The following SPMIP3 variants were observed in gnomAD, a reference collection of about 807,000 sequenced individuals.
The protein encoded by SPMIP3 is protein SPMIP3.
At chr1:244,356,281 A>G in the SPMIP3 span, among the ~76,000 whole-genome samples, 5 of 152,222 alleles carry the variant, frequency 3.3e-5, no homozygotes, top group African/African-American at 1.2e-4. Flanking sequence ...AATGTTCGCT[A>G]TCAGATTGAG....
chr1:244,367,410 G>A, the SPMIP3 span, among the ~76,000 whole-genome samples: 55 of 152,290 alleles, frequency 3.6e-4, no homozygotes, highest in African/African-American at 1.3e-3. Context: ...CCAAGGGGTG[G>A]CCGTGGGCTG....
the SPMIP3 span, among the ~76,000 whole-genome samples, chr1:244,356,912 C>A: frequency 1.5e-5 from 2 of 131,276 alleles, no homozygotes; most frequent in East Asian, 2.4e-4. Flanking sequence ...CTTTTCTTTT[C>A]TTTTCCTTTT....
chr1:244,373,247 A>G, the SPMIP3 span, among the ~76,000 whole-genome samples: 2 of 148,864 alleles, frequency 1.3e-5, no homozygotes, highest in South Asian at 4.3e-4. Context: ...TTGCCATCAA[A>G]AAAGATCTTT....
At chr1:244,359,970 G>A in the SPMIP3 span, among the ~76,000 whole-genome samples, 3,229 of 151,806 alleles carry the variant, frequency 0.021, 180 homozygotes, top group East Asian at 0.24. Context: ...TTAGCTGGGC[G>A]TGGTGGTGCG....
At chr1:244,373,217 A>T in the SPMIP3 span, among the ~76,000 whole-genome samples, 2 of 150,238 alleles carry the variant, frequency 1.3e-5, no homozygotes, top group African/African-American at 4.9e-5. Flanking sequence ...CCTGTCTTTT[A>T]AAAAAAATGG....
At chr1:244,370,100 G>A in the SPMIP3 span, among the ~76,000 whole-genome samples, 32 of 152,166 alleles carry the variant, frequency 2.1e-4, no homozygotes, top group Non-Finnish European at 3.7e-4. Flanking sequence ...GGGAAATTCC[G>A]CCGAGGACTC....
the SPMIP3 span, among the ~76,000 whole-genome samples, chr1:244,367,533 G>A: frequency 7.9e-5 from 12 of 152,114 alleles, no homozygotes; most frequent in African/African-American, 1.9e-4. Flanking sequence ...CACTATGGGC[G>A]GAGGGTGGGG....
chr1:244,361,235 C>CATTTTTTTT, the SPMIP3 span, among the ~76,000 whole-genome samples: 1 of 119,304 alleles, frequency 8.4e-6, no homozygotes. Flanking sequence ...TTCTTTCTTT[C>CATTTTTTTT]TTTTTTTTTT....
At chr1:244,372,644 C>T in the SPMIP3 span, among the ~76,000 whole-genome samples, 383 of 152,160 alleles carry the variant, frequency 2.5e-3, no homozygotes, top group African/African-American at 6.6e-3. Context: ...TGGGTTTCAC[C>T]GCGTTAGCCA....
chr1:244,380,983 G>C, the SPMIP3 span, among the ~76,000 whole-genome samples: 1 of 151,974 alleles, frequency 6.6e-6, no homozygotes. Flanking sequence ...GCCTGATCAC[G>C]GCGGGAGCTG....
the SPMIP3 span, among the ~76,000 whole-genome samples, chr1:244,355,465 G>A: frequency 2.6e-5 from 4 of 151,546 alleles, no homozygotes; most frequent in Non-Finnish European, 5.9e-5. Context: ...TCGGCTCACT[G>A]CAACCTCTGC....
At chr1:244,387,768 C>A in the SPMIP3 span, among the ~76,000 whole-genome samples, 1 of 151,874 alleles carries the variant, frequency 6.6e-6, no homozygotes, top group South Asian at 2.1e-4. Context: ...GTGGCCTGGA[C>A]CAGGGTGTGA....
At chr1:244,383,394 A>G in the SPMIP3 span, among the ~76,000 whole-genome samples, 1 of 152,098 alleles carries the variant, frequency 6.6e-6, no homozygotes, top group Non-Finnish European at 1.5e-5. Flanking sequence ...CCTGTGGTCC[A>G]AGCTACTCAG....
the SPMIP3 span, among the ~76,000 whole-genome samples, chr1:244,359,360 G>C: frequency 6.6e-6 from 1 of 152,128 alleles, no homozygotes; most frequent in Non-Finnish European, 1.5e-5. Flanking sequence ...CTACCCATCT[G>C]ACAAGGGATT....
At chr1:244,357,665 G>A in the SPMIP3 span, among the ~76,000 whole-genome samples, 2 of 133,928 alleles carry the variant, frequency 1.5e-5, no homozygotes. Flanking sequence ...GCCAAGATGT[G>A]CCACTGCACT....
chr1:244,372,658 T>C, the SPMIP3 span, among the ~76,000 whole-genome samples: 35 of 152,270 alleles, frequency 2.3e-4, no homozygotes, highest in East Asian at 5.8e-4. Context: ...TTAGCCAGGA[T>C]GGTCTCGAAC....
chr1:244,356,218 G>A, the SPMIP3 span, among the ~76,000 whole-genome samples: 2 of 152,160 alleles, frequency 1.3e-5, no homozygotes, highest in African/African-American at 4.8e-5. Flanking sequence ...ATTTTAGGAA[G>A]AGAGCACTCA....
the SPMIP3 span, among the ~76,000 whole-genome samples, chr1:244,360,376 G>A: frequency 6.6e-6 from 1 of 152,060 alleles, no homozygotes; most frequent in Non-Finnish European, 1.5e-5. Flanking sequence ...GGTATATATC[G>A]AAGAGAAAGG....
the SPMIP3 span, among the ~76,000 whole-genome samples, chr1:244,373,880 A>C: frequency 6.6e-6 from 1 of 152,020 alleles, no homozygotes; most frequent in African/African-American, 2.4e-5. Context: ...TTGGGAGGCC[A>C]AGGTGGGCGG....
Sources: allele counts gnomAD v4.1 joint callset (sites outside exome capture counted in the v4.1 genomes callset), GRCh38; gene constraint gnomAD v4.1.1; transcripts MANE v1.5; gene names NCBI Gene and HGNC (gene_info 2026-07-23, HGNC 2026-07-21).